CDC7: variants seen among roughly 807,000 people sequenced by gnomAD.
The protein encoded by CDC7 is cell division cycle 7-related protein kinase.
CDC7 carries 34 observed loss-of-function variants against 53.5 expected under a neutral mutation model. The ratio of observed to expected loss-of-function variants is 0.64; its 90% confidence interval spans 0.48 to 0.85. The LOEUF is 0.85. Ranked by LOEUF, CDC7 falls within the 40% of genes least tolerant of loss-of-function variation. The pLI is 0.00. For missense variants in CDC7, 594 were observed against 679.7 expected (o/e 0.87, Z 1.40); for synonymous variants, 211 against 222.8 (o/e 0.95, Z 0.47).
intron 8 of CDC7, 69 bp from the exon 9 acceptor site, chr1:91,514,750 C>G: frequency 8.2e-7 from 1 of 1,222,190 alleles, no homozygotes; most frequent in Non-Finnish European, 1.1e-6. Flanking sequence ...TTGCTTTTTG[C>G]CATACTAGCA....
chr1:91,504,973 G>A lies in CDC7; in HGVS notation c.116-2881G>A, dbSNP rs902694048. On this transcript the variant is annotated intron_variant, in intron 2 of 11. Transcript: ENST00000234626. ...AGAGTAAACAAAAGAAGTAAATACTGTGCTCAAAAGTGATTAATGTTACTA... is the reference window on the plus strand; with the variant it reads ...AGAGTAAACAAAAGAAGTAAATACTATGCTCAAAAGTGATTAATGTTACTA... Among the ~76,000 whole-genome samples, 23 of 152,202 alleles carry A rather than the reference G, an allele frequency of 1.5e-4. 1 individual carries two copies. The highest frequency in any genetic ancestry group is 1.5e-3 in the Admixed American group (23 of 15,280).
intron 2 of CDC7, among the ~76,000 whole-genome samples, chr1:91,506,072 C>T (rs915097409): frequency 3.3e-5 from 5 of 152,078 alleles, no homozygotes; most frequent in East Asian, 1.9e-4. Context: ...TACAGTGGCA[C>T]GATCATAGTT....
intron 10 of CDC7, among the ~76,000 whole-genome samples, chr1:91,518,093 CAAAAAAAAAA>C (rs55787737): frequency 2.2e-5 from 1 of 46,020 alleles, no homozygotes. Context: ...GACTCAGTCT[CAAAAAAAAAA>C]AAAAAAAAAA....
chr1:91,512,215 T>TTATATCTCTTA (rs1667322620), intron 6 of CDC7, among the ~76,000 whole-genome samples: 1 of 152,156 alleles, frequency 6.6e-6, no homozygotes, highest in African/African-American at 2.4e-5. Context: ...TTGTATCCTC[T>TTATATCTCTTA]GACTTATATC....
intron 2 of CDC7, 31 bp downstream of exon 2, chr1:91,501,862 A>G (rs1052080173): frequency 2.0e-6 from 3 of 1,490,592 alleles, no homozygotes; most frequent in Admixed American, 3.4e-5. Flanking sequence ...ATGTACAGTT[A>G]TAAAGATTTT....
intron 2 of CDC7, among the ~76,000 whole-genome samples, chr1:91,506,865 T>C: frequency 6.6e-6 from 1 of 152,016 alleles, no homozygotes; most frequent in Non-Finnish European, 1.5e-5. Context: ...CATGAGAATC[T>C]CTTGAACGCA....
intron 10 of CDC7, among the ~76,000 whole-genome samples, chr1:91,518,093 CA>C (rs55787737): frequency 0.035 from 1,600 of 45,734 alleles, 16 homozygotes; most frequent in African/African-American, 0.13. Flanking sequence ...GACTCAGTCT[CA>C]AAAAAAAAAA....
intron 7 of CDC7, 147 bp downstream of exon 7, chr1:91,513,454 T>C: frequency 6.6e-6 from 4 of 605,608 alleles, no homozygotes; most frequent in Non-Finnish European, 1.1e-5. Context: ...TGATTAAATT[T>C]TCACTAAGAT....
intron 2 of CDC7, among the ~76,000 whole-genome samples, chr1:91,504,691 A>G (rs373388516): frequency 3.3e-5 from 5 of 152,106 alleles, no homozygotes; most frequent in African/African-American, 9.7e-5. Flanking sequence ...TTTTCACTCA[A>G]GAGTGTCCCA....
At chr1:91,522,031 A>G (rs1013220410) in intron 11 of CDC7, among the ~76,000 whole-genome samples, 4 of 151,784 alleles carry the variant, frequency 2.6e-5, no homozygotes, top group Non-Finnish European at 4.4e-5. Context: ...TGGGCATGGT[A>G]GCATGCACTT....
chr1:91,519,872 G>C (rs2102397932), intron 10 of CDC7, among the ~76,000 whole-genome samples: 2 of 152,226 alleles, frequency 1.3e-5, no homozygotes, highest in Middle Eastern at 6.8e-3. Flanking sequence ...CCAACACGTT[G>C]CTCAAGAAAG....
chr1:91,509,880 C>T (rs894149666), intron 4 of CDC7, among the ~76,000 whole-genome samples: 13 of 152,252 alleles, frequency 8.5e-5, no homozygotes, highest in African/African-American at 3.1e-4. Flanking sequence ...ACTGTTTCCC[C>T]ATTCAGGAAG....
At chr1:91,515,612 T>TA in intron 9 of CDC7, 182 bp from the exon 10 acceptor site, 1 of 284,904 alleles carries the variant, frequency 3.5e-6, no homozygotes, top group South Asian at 1.4e-4. Context: ...GTAGAGGGGG[T>TA]AAAAAACAGA....
intron 2 of CDC7, among the ~76,000 whole-genome samples, chr1:91,502,368 C>T (rs1666736466): frequency 6.6e-6 from 1 of 152,156 alleles, no homozygotes; most frequent in East Asian, 1.9e-4. Context: ...TTCATTTCTG[C>T]TCTGGCACAG....
chr1:91,517,685 G>A (rs978195300), intron 10 of CDC7, among the ~76,000 whole-genome samples: 8 of 152,276 alleles, frequency 5.3e-5, no homozygotes, highest in Admixed American at 4.6e-4. Context: ...CCATGAAGTG[G>A]ATGGACCAAT....
intron 4 of CDC7, among the ~76,000 whole-genome samples, chr1:91,509,163 T>G (rs1334518778): frequency 6.6e-6 from 1 of 152,128 alleles, no homozygotes; most frequent in African/African-American, 2.4e-5. Flanking sequence ...ATATTGGAGT[T>G]CCTCGTGCTT....
intron 11 of CDC7, among the ~76,000 whole-genome samples, chr1:91,521,084 C>A (rs914195400): frequency 6.6e-6 from 1 of 152,180 alleles, no homozygotes; most frequent in African/African-American, 2.4e-5. Context: ...ATACAGAACA[C>A]CTCAGGAGAC....
chr1:91,504,910 A>G (rs1450200517), intron 2 of CDC7, among the ~76,000 whole-genome samples: 1 of 152,232 alleles, frequency 6.6e-6, no homozygotes, highest in East Asian at 1.9e-4. Flanking sequence ...CAAACCATAA[A>G]ACAGAAATTA....
At chr1:91,510,776 C>T (rs1667246377) in intron 4 of CDC7, among the ~76,000 whole-genome samples, 1 of 152,074 alleles carries the variant, frequency 6.6e-6, no homozygotes, top group Admixed American at 6.6e-5. Context: ...TCTTCCTTTC[C>T]ACTTAAATTG....
Sources: gnomAD v4.1 joint callset for allele counts (sites outside exome capture counted in the v4.1 genomes callset) on GRCh38, gnomAD v4.1.1 for gene constraint, MANE v1.5 for transcripts, NCBI Gene and HGNC (gene_info 2026-07-23, HGNC 2026-07-21) for gene names.